The following GULP1 variants were observed in gnomAD, a reference collection of about 807,000 sequenced individuals.
The protein encoded by GULP1 is GULP PTB domain containing engulfment adaptor 1, also known as PTB domain-containing engulfment adapter protein 1.
Under a neutral mutation model 40.9 loss-of-function variants are expected in GULP1, and 19 were observed. The ratio of observed to expected loss-of-function variants is 0.46; its 90% CI spans 0.32 to 0.68. The LOEUF (loss-of-function observed/expected upper bound fraction) is 0.68. GULP1 is among the 30% of genes least tolerant of loss of function. The pLI, the probability that GULP1 is intolerant of heterozygous loss-of-function variation, is 0.03. For missense variants in GULP1, 312 were observed against 362.2 expected (o/e 0.86, Z 1.12); for synonymous variants, 119 against 117.6 (o/e 1.01, Z -0.08).
Position 188,594,935 on chromosome 2 carries a change from T to A in GULP1, c.*924T>A, listed in dbSNP as rs1704218453. ...TTGATGAAGATATTTTTCACCAAAG[T>A]TTATTTTGTGATGCCCTCTTGGTTT... On this transcript the variant is annotated 3_prime_UTR_variant, in exon 12 of 12. Transcript: ENST00000409830. 2 of 151,628 alleles carry A rather than the reference T, an allele frequency of 1.3e-5. No individual in the cohort carries two copies. Among genetic ancestry groups the A allele is most frequent in the South Asian group, 4.1e-4 (2 of 4,826 alleles). 9.4% of individuals were successfully genotyped at this position (151,628 alleles called of 1,614,324 possible).
At chr2:188,329,442 G>C (rs552495780) in intron 1 of GULP1, among the ~76,000 whole-genome samples, 1 of 152,272 alleles carries the variant, frequency 6.6e-6, no homozygotes, top group East Asian at 1.9e-4. Context: ...AGCCATGGAG[G>C]TGTGTGGGGG....
chr2:188,353,057 C>T (rs1430428351), intron 1 of GULP1, among the ~76,000 whole-genome samples: 1 of 151,986 alleles, frequency 6.6e-6, no homozygotes, highest in Admixed American at 6.6e-5. Flanking sequence ...AAACTATAAA[C>T]CTGGAAAATT....
intron 9 of GULP1, among the ~76,000 whole-genome samples, chr2:188,575,721 G>C (rs1189429665): frequency 6.6e-6 from 1 of 151,148 alleles, no homozygotes; most frequent in Non-Finnish European, 1.5e-5. Flanking sequence ...GTCTAGATTT[G>C]ATAAGCCTTC....
intron 4 of GULP1, among the ~76,000 whole-genome samples, chr2:188,513,638 A>G (rs1181152577): frequency 6.6e-6 from 1 of 152,156 alleles, no homozygotes; most frequent in African/African-American, 2.4e-5. Context: ...TAGTGAACAT[A>G]TATTAATATT....
At chr2:188,372,778 C>T (rs763427828) in intron 1 of GULP1, among the ~76,000 whole-genome samples, 4 of 151,950 alleles carry the variant, frequency 2.6e-5, no homozygotes, top group Non-Finnish European at 5.9e-5. Flanking sequence ...TACACTAAGC[C>T]ATATCATTGG....
Position 188,292,357 on chromosome 2 carries a change from A to C in GULP1, c.-172+191A>C, listed in dbSNP as rs1363040996. On this transcript the variant is annotated intron_variant, in intron 1 of 11. Transcript: ENST00000409830. The surrounding 1 kb of genome is among the most constrained non-coding windows in gnomAD (Gnocchi z 4.0). The stretch of plus-strand genomic sequence containing the variant: ...AGGTTGTAAAAAATTAGGACAGCTA[A>C]ATGCTCAGGGAGTCGTCCAGCACTA... 1 of 152,386 alleles carries C rather than the reference A, an allele frequency of 6.6e-6. No homozygotes were observed. Among genetic ancestry groups the C allele is most frequent in the African/African-American group, 2.4e-5 (1 of 41,454 alleles). 9.4% of individuals were successfully genotyped at this position (152,386 alleles called of 1,614,324 possible). A position where few individuals can be genotyped will look rare whatever the true frequency, so the allele number is the denominator to read the frequency against.
At chr2:188,570,487 A>G (rs1222790331) in intron 9 of GULP1, among the ~76,000 whole-genome samples, 1 of 152,150 alleles carries the variant, frequency 6.6e-6, no homozygotes, top group Non-Finnish European at 1.5e-5. Flanking sequence ...TGAAGTGCTC[A>G]ACTTCATTGT....
intron 2 of GULP1, among the ~76,000 whole-genome samples, chr2:188,464,634 A>G (rs2059969699): frequency 6.6e-6 from 1 of 152,192 alleles, no homozygotes; most frequent in Non-Finnish European, 1.5e-5. Flanking sequence ...CAGAGGTGCC[A>G]CCTGGGAGCC....
chr2:188,365,785 A>G (rs2046701844), intron 1 of GULP1, among the ~76,000 whole-genome samples: 1 of 152,208 alleles, frequency 6.6e-6, no homozygotes, highest in Admixed American at 6.5e-5. Context: ...TGAAGGGGTG[A>G]GACAAGGGAA....
At chr2:188,369,637 T>G (rs2047336305) in intron 1 of GULP1, among the ~76,000 whole-genome samples, 2 of 152,120 alleles carry the variant, frequency 1.3e-5, no homozygotes, top group South Asian at 4.2e-4. Context: ...AGTACTCTCT[T>G]TATTGTAGAT....
chr2:188,316,185 CTT>C (rs2039053939), intron 1 of GULP1, among the ~76,000 whole-genome samples: 1 of 152,114 alleles, frequency 6.6e-6, no homozygotes, highest in African/African-American at 2.4e-5. Flanking sequence ...GAAAGACTCC[CTT>C]TTACAACTCA....
At chr2:188,456,801 C>T (rs995929797) in intron 2 of GULP1, among the ~76,000 whole-genome samples, 9 of 152,216 alleles carry the variant, frequency 5.9e-5, no homozygotes, top group Non-Finnish European at 1.2e-4. Flanking sequence ...CACTCATTGC[C>T]AACTCATGAA....
chr2:188,474,912 G>T (rs773605800), intron 2 of GULP1, among the ~76,000 whole-genome samples: 1 of 152,012 alleles, frequency 6.6e-6, no homozygotes, highest in African/African-American at 2.4e-5. Context: ...AAGGATTTAT[G>T]TTACACCATA....
intron 1 of GULP1, among the ~76,000 whole-genome samples, chr2:188,314,056 T>C (rs2038660416): frequency 6.6e-6 from 1 of 151,996 alleles, no homozygotes; most frequent in Non-Finnish European, 1.5e-5. Context: ...ACTCCATTCT[T>C]GGATCTAGTG....
At chr2:188,424,292 G>T (rs1268550976) in intron 2 of GULP1, among the ~76,000 whole-genome samples, 2 of 151,956 alleles carry the variant, frequency 1.3e-5, no homozygotes, top group East Asian at 3.9e-4. Context: ...ATTGAATGGA[G>T]TTTATTATAA....
At chr2:188,367,088 A>G (rs1380328992) in intron 1 of GULP1, among the ~76,000 whole-genome samples, 1 of 152,228 alleles carries the variant, frequency 6.6e-6, no homozygotes, top group Non-Finnish European at 1.5e-5. Flanking sequence ...ATATGTGCAG[A>G]TAAATAGAGC....
chr2:188,574,004 A>G (rs777249267), intron 9 of GULP1, among the ~76,000 whole-genome samples: 4 of 152,168 alleles, frequency 2.6e-5, no homozygotes, highest in Non-Finnish European at 4.4e-5. Flanking sequence ...TTTATAAATG[A>G]TTTAATGCTA....
intron 2 of GULP1, among the ~76,000 whole-genome samples, chr2:188,421,419 AG>A (rs980592634): frequency 6.6e-6 from 1 of 152,154 alleles, no homozygotes; most frequent in African/African-American, 2.4e-5. Flanking sequence ...TATAAAACAA[AG>A]GTAAAATATA....
chr2:188,415,898 C>A (rs2054516313), intron 2 of GULP1, among the ~76,000 whole-genome samples: 1 of 152,084 alleles, frequency 6.6e-6, no homozygotes, highest in Non-Finnish European at 1.5e-5. Context: ...CAGAGTGATA[C>A]AAGTAACCAA....
Sources: allele counts gnomAD v4.1 joint callset (sites outside exome capture counted in the v4.1 genomes callset), GRCh38; gene constraint gnomAD v4.1.1; non-coding constraint Gnocchi (gnomAD v3.1); transcripts MANE v1.5; gene names NCBI Gene and HGNC (gene_info 2026-07-23, HGNC 2026-07-21).